GALNT17: variants seen among roughly 807,000 people sequenced by gnomAD.
GALNT17 encodes polypeptide N-acetylgalactosaminyltransferase 17, also known as UDP-GalNAc:polypeptide N-acetylgalactosaminyltransferase-like 3.
Under a neutral mutation model 63.7 loss-of-function variants are expected in GALNT17, and 29 were observed. The ratio of observed to expected loss-of-function variants is 0.46; its 90% CI spans 0.34 to 0.62. The LOEUF is 0.62. Among genes scored for constraint, GALNT17 ranks in the 20% least tolerant of loss-of-function variants. The pLI is 0.01. For synonymous variants in GALNT17, 305 were observed against 318.3 expected, an observed-to-expected ratio of 0.96 and a Z score of 0.45; for missense variants, 603 against 799.6, an observed-to-expected ratio of 0.75 and a Z score of 2.97.
rs201223281 is a variant in GALNT17, at chr7:71,466,146, T to C, written c.962+45041T>C. 3.7e-4 allele frequency among the ~76,000 whole-genome samples: 56 copies of C among 152,264 alleles called. 1 individual carries two copies. In the East Asian group the frequency reaches 0.011, roughly 29 times the overall value. ...GTGGCCGTTTCAAAATACATCAAAG[T>C]CACGTACTTTGGGGAAATATTTTGA... On this transcript the variant is annotated intron_variant, in intron 5 of 10. Coordinates refer to ENST00000333538, the MANE Select transcript of GALNT17 (RefSeq NM_022479.3).
At chr7:71,668,008 A>G (rs1791011217) in intron 7 of GALNT17, among the ~76,000 whole-genome samples, 1 of 152,112 alleles carries the variant, frequency 6.6e-6, no homozygotes, top group Non-Finnish European at 1.5e-5. Flanking sequence ...CACGTTGCCC[A>G]GGCTGGTCTT....
intron 5 of GALNT17, among the ~76,000 whole-genome samples, chr7:71,446,033 C>A (rs1787155241): frequency 6.6e-6 from 1 of 152,184 alleles, no homozygotes; most frequent in African/African-American, 2.4e-5. Flanking sequence ...CTTGAAATTG[C>A]AGAGGCTTAA....
chr7:71,155,640 G>A lies in GALNT17; in HGVS notation c.238+22600G>A, dbSNP rs139962939. 3.1e-3 allele frequency among the ~76,000 whole-genome samples: 460 copies of A among 150,688 alleles called. 15 individuals are homozygous for A. The highest frequency in any genetic ancestry group is 0.01 in the African/African-American group (424 of 40,708). On this transcript the variant is annotated intron_variant, in intron 1 of 10. Transcript: ENST00000333538. ...TTTTCCTTTTTTGTTGCCTACTATT[G>A]CTACCTCTGAAGACAGCCTGTTTCC... is the stretch of plus-strand genomic sequence containing the variant.
intron 1 of GALNT17, among the ~76,000 whole-genome samples, chr7:71,176,501 A>C (rs1258695605): frequency 2.0e-5 from 3 of 152,108 alleles, no homozygotes; most frequent in Non-Finnish European, 4.4e-5. Flanking sequence ...GGGCAGTGTG[A>C]GTGGCAGGAC....
chr7:71,497,486 T>C (rs1030365589), intron 5 of GALNT17, among the ~76,000 whole-genome samples: 2 of 152,198 alleles, frequency 1.3e-5, no homozygotes, highest in African/African-American at 4.8e-5. Flanking sequence ...TTAAGGACAG[T>C]GAGCACACCG....
At chr7:71,655,324 A>G (rs1265567075) in intron 6 of GALNT17, among the ~76,000 whole-genome samples, 1 of 152,184 alleles carries the variant, frequency 6.6e-6, no homozygotes, top group Non-Finnish European at 1.5e-5. Flanking sequence ...TGGACAGATT[A>G]AAAGAAGTAT....
At chr7:71,147,323 C>T (rs988625191) in intron 1 of GALNT17, among the ~76,000 whole-genome samples, 2 of 152,104 alleles carry the variant, frequency 1.3e-5, no homozygotes, top group African/African-American at 2.4e-5. Flanking sequence ...ACTTGGAGTC[C>T]GATGTTTGAG....
chr7:71,334,314 T>C (rs1791859665), intron 1 of GALNT17, among the ~76,000 whole-genome samples: 1 of 152,168 alleles, frequency 6.6e-6, no homozygotes, highest in Non-Finnish European at 1.5e-5. Context: ...TTAGGGGATG[T>C]CTTCGTGGGA....
intron 1 of GALNT17, among the ~76,000 whole-genome samples, chr7:71,216,722 A>C (rs1789489316): frequency 6.6e-6 from 1 of 152,072 alleles, no homozygotes; most frequent in Non-Finnish European, 1.5e-5. Context: ...ACAAATACGC[A>C]CACATATATA....
At chr7:71,407,838 A>G (rs1793356289) in intron 3 of GALNT17, among the ~76,000 whole-genome samples, 2 of 152,082 alleles carry the variant, frequency 1.3e-5, no homozygotes, top group Admixed American at 1.3e-4. Flanking sequence ...TTACGACTCC[A>G]TTTTCATGAA....
At chr7:71,653,028 G>GT (rs374818154) in intron 6 of GALNT17, among the ~76,000 whole-genome samples, 2 of 129,106 alleles carry the variant, frequency 1.5e-5, no homozygotes, top group African/African-American at 5.4e-5. Flanking sequence ...TTTTGTTTTT[G>GT]TTTTTTTTGA....
At chr7:71,267,795 C>G (rs1308679690) in intron 1 of GALNT17, among the ~76,000 whole-genome samples, 1 of 152,090 alleles carries the variant, frequency 6.6e-6, no homozygotes, top group Non-Finnish European at 1.5e-5. Flanking sequence ...GAACCCATCA[C>G]CTAGGTATTC....
At chr7:71,404,125 A>T (rs1793287222) in intron 3 of GALNT17, among the ~76,000 whole-genome samples, 1 of 152,100 alleles carries the variant, frequency 6.6e-6, no homozygotes, top group Non-Finnish European at 1.5e-5. Flanking sequence ...GCGTACTATG[A>T]TGTTTCCTTG....
chr7:71,503,084 G>A (rs956968505), intron 5 of GALNT17, among the ~76,000 whole-genome samples: 1 of 152,014 alleles, frequency 6.6e-6, no homozygotes, highest in Admixed American at 6.6e-5. Context: ...CTTACTTGTT[G>A]GGCTACTTTT....
chr7:71,405,531 C>T (rs190171636), intron 3 of GALNT17, among the ~76,000 whole-genome samples: 7 of 152,074 alleles, frequency 4.6e-5, no homozygotes, highest in Non-Finnish European at 8.8e-5. Context: ...GAAATAATAC[C>T]GTAACTACTT....
chr7:71,348,828 T>TAA lies in GALNT17; in HGVS notation c.422+13097_422+13098dup, dbSNP rs374876464. Among the ~76,000 whole-genome samples, 238 of 152,310 alleles carry TAA rather than the reference T, an allele frequency of 1.6e-3. 1 individual carries two copies. The highest frequency in any genetic ancestry group is 5.4e-3 in the African/African-American group (224 of 41,572). Reference sequence around the variant, plus strand: ...TACTGGGGACTTGAGAGTTGGTACTTAAACAACCTTTGTGTTTCTAGGGGA... The same window carrying TAA: ...TACTGGGGACTTGAGAGTTGGTACTTAAAAACAACCTTTGTGTTTCTAGGGGA... On this transcript the variant is annotated intron_variant, in intron 2 of 10. Transcript: ENST00000333538.
intron 5 of GALNT17, among the ~76,000 whole-genome samples, chr7:71,445,744 C>G (rs1200484856): frequency 2.6e-5 from 4 of 152,206 alleles, no homozygotes; most frequent in Non-Finnish European, 5.9e-5. Context: ...TCTTACCTCT[C>G]CCAGCTCCCT....
At chr7:71,506,173 A>G (rs1788262581) in intron 5 of GALNT17, among the ~76,000 whole-genome samples, 3 of 152,246 alleles carry the variant, frequency 2.0e-5, no homozygotes, top group Non-Finnish European at 4.4e-5. Context: ...AATATTATGT[A>G]TCCATAAAAA....
intron 1 of GALNT17, among the ~76,000 whole-genome samples, chr7:71,278,478 G>T (rs1393590990): frequency 6.6e-6 from 1 of 152,216 alleles, no homozygotes; most frequent in Non-Finnish European, 1.5e-5. Flanking sequence ...GCTTGTAGCT[G>T]CATTACTCCA....
Sources: gnomAD v4.1 joint callset for allele counts (sites outside exome capture counted in the v4.1 genomes callset) on GRCh38, gnomAD v4.1.1 for gene constraint, MANE v1.5 for transcripts, NCBI Gene and HGNC (gene_info 2026-07-23, HGNC 2026-07-21) for gene names.